TBC1D5: variants seen among roughly 807,000 people sequenced by gnomAD.
The protein encoded by TBC1D5 is TBC1 domain family, member 5.
TBC1D5 carries 75 observed loss-of-function variants against 100.3 expected under a neutral mutation model. The observed-to-expected ratio is 0.75, with a 90% CI of 0.62 to 0.91. The LOEUF (loss-of-function observed/expected upper bound fraction) is 0.91. Ranked by LOEUF, TBC1D5 falls within the 40% of genes least tolerant of loss-of-function variation. TBC1D5 has a pLI of 0.00. For synonymous variants in TBC1D5, 323 were observed against 325.6 expected, an observed-to-expected ratio of 0.99 and a Z score of 0.09; for missense variants, 910 against 942.4, an observed-to-expected ratio of 0.97 and a Z score of 0.45.
At chr3:17,484,820 T>C (rs2095542113) in intron 3 of TBC1D5, among the ~76,000 whole-genome samples, 1 of 152,044 alleles carries the variant, frequency 6.6e-6, no homozygotes, top group Non-Finnish European at 1.5e-5. Flanking sequence ...AGACTTCCTT[T>C]CCTTAAGATG....
At chr3:17,326,667 T>A (rs1388571794) in intron 13 of TBC1D5, among the ~76,000 whole-genome samples, 6 of 152,006 alleles carry the variant, frequency 3.9e-5, no homozygotes. Context: ...AGAGATGGAG[T>A]CTCACTATTT....
intron 19 of TBC1D5, among the ~76,000 whole-genome samples, chr3:17,177,780 A>G (rs893083794): frequency 6.6e-6 from 1 of 152,020 alleles, no homozygotes; most frequent in Non-Finnish European, 1.5e-5. Flanking sequence ...TAGTAGGTGT[A>G]TATATTTTTG....
At chr3:17,448,772 G>A (rs1476947097) in intron 3 of TBC1D5, among the ~76,000 whole-genome samples, 1 of 150,022 alleles carries the variant, frequency 6.7e-6, no homozygotes, top group African/African-American at 2.5e-5. Context: ...AGAGCACAGT[G>A]AGAGGAGATT....
At chr3:17,250,231 C>CTT (rs1281205266) in intron 16 of TBC1D5, among the ~76,000 whole-genome samples, 1 of 152,204 alleles carries the variant, frequency 6.6e-6, no homozygotes, top group Non-Finnish European at 1.5e-5. Flanking sequence ...AAACAAATCA[C>CTT]TTTTCTCTCT....
At chr3:17,684,998 A>C (rs890728577) in intron 1 of TBC1D5, among the ~76,000 whole-genome samples, 2 of 152,090 alleles carry the variant, frequency 1.3e-5, no homozygotes, top group Non-Finnish European at 2.9e-5. Context: ...TAAAAAATGC[A>C]GATCTGTTCT....
At chr3:17,160,895 G>GC in exon 22 of TBC1D5, 1 of 1,537,748 alleles carries the variant, frequency 6.5e-7, no homozygotes, top group African/African-American at 1.4e-5. Context: ...CACTGGATGA[G>GC]CCTCAGTCTG....
chr3:17,332,944 G>C (rs2087081838), intron 13 of TBC1D5, among the ~76,000 whole-genome samples: 2 of 152,108 alleles, frequency 1.3e-5, no homozygotes, highest in South Asian at 4.2e-4. Flanking sequence ...TGCTCTAAAG[G>C]GTGGTAAGAA....
At chr3:17,422,606 C>T (rs2094238117) in intron 4 of TBC1D5, among the ~76,000 whole-genome samples, 1 of 151,892 alleles carries the variant, frequency 6.6e-6, no homozygotes, top group South Asian at 2.1e-4. Flanking sequence ...AGGCTTTTGC[C>T]CTACTATCTC....
chr3:17,515,635 A>G (rs2095975419), intron 2 of TBC1D5, among the ~76,000 whole-genome samples: 1 of 152,210 alleles, frequency 6.6e-6, no homozygotes, highest in South Asian at 2.1e-4. Flanking sequence ...GCCAAGAATT[A>G]TAGGGTAGTT....
intron 3 of TBC1D5, among the ~76,000 whole-genome samples, chr3:17,505,513 A>G (rs1385078972): frequency 6.6e-6 from 1 of 152,160 alleles, no homozygotes; most frequent in Non-Finnish European, 1.5e-5. Flanking sequence ...GTGATGTAAA[A>G]ACAGACTAAC....
chr3:17,225,205 G>A lies in TBC1D5; in HGVS notation c.1589-10835C>T, dbSNP rs181901508. Among the ~76,000 whole-genome samples the A allele has an allele frequency of 2.8e-3, 425 of 152,098 alleles. 2 individuals carry two copies. Among genetic ancestry groups the A allele is most frequent in the Non-Finnish European group, 5.1e-3 (347 of 67,978 alleles). On this transcript the variant is annotated intron_variant, in intron 17 of 21. Transcript: ENST00000253692. The stretch of plus-strand genomic sequence containing the variant: ...TGTAATCCCAGCACTTTGGGAGGCC[G>A]AGGCAGGCAGATCACTTGAGGTCAG...
At chr3:17,480,245 C>A (rs1392333927) in intron 3 of TBC1D5, among the ~76,000 whole-genome samples, 2 of 114,748 alleles carry the variant, frequency 1.7e-5, no homozygotes, top group Non-Finnish European at 3.6e-5. Flanking sequence ...GCAAGCACCC[C>A]TCAGCTCAAA....
At chr3:17,345,738 C>T (rs1308790669) in intron 13 of TBC1D5, among the ~76,000 whole-genome samples, 2 of 152,074 alleles carry the variant, frequency 1.3e-5, no homozygotes, top group Non-Finnish European at 2.9e-5. Flanking sequence ...TACTATGCAG[C>T]CATAAAAAAT....
chr3:17,472,289 C>T (rs1175466275), intron 3 of TBC1D5, among the ~76,000 whole-genome samples: 1 of 151,972 alleles, frequency 6.6e-6, no homozygotes, highest in Non-Finnish European at 1.5e-5. Context: ...CAGGCACGCG[C>T]CACCACACCC....
intron 3 of TBC1D5, among the ~76,000 whole-genome samples, chr3:17,455,440 GTATA>G (rs147661389): frequency 6.2e-5 from 9 of 145,494 alleles, no homozygotes; most frequent in African/African-American, 1.5e-4. Flanking sequence ...GTATGTGTGT[GTATA>G]TATATATGTG....
chr3:17,456,002 C>T (rs372185220), intron 3 of TBC1D5, among the ~76,000 whole-genome samples: 11 of 152,244 alleles, frequency 7.2e-5, no homozygotes, highest in African/African-American at 2.6e-4. Flanking sequence ...CACCCTCCTA[C>T]ATGGAACTCA....
At chr3:17,452,945 A>T (rs1245327168) in intron 3 of TBC1D5, among the ~76,000 whole-genome samples, 3 of 152,070 alleles carry the variant, frequency 2.0e-5, no homozygotes, top group Non-Finnish European at 4.4e-5. Context: ...ATTAAAAAAA[A>T]ATACTATCAA....
chr3:17,343,045 A>C (rs1449794685), intron 13 of TBC1D5, among the ~76,000 whole-genome samples: 1 of 152,114 alleles, frequency 6.6e-6, no homozygotes, highest in Admixed American at 6.5e-5. Flanking sequence ...GTCTTGTGCC[A>C]GTTTTCAAAG....
intron 1 of TBC1D5, among the ~76,000 whole-genome samples, chr3:17,641,913 C>CA (rs2064548502): frequency 6.6e-6 from 1 of 151,952 alleles, no homozygotes; most frequent in Non-Finnish European, 1.5e-5. Context: ...TTCCCCTACA[C>CA]AAAAAAGAAT....
Sources: allele counts gnomAD v4.1 joint callset (sites outside exome capture counted in the v4.1 genomes callset), GRCh38; gene constraint gnomAD v4.1.1; transcripts MANE v1.5; gene names NCBI Gene and HGNC (gene_info 2026-07-23, HGNC 2026-07-21).